The following TMCO5A variants were observed in gnomAD, a reference collection of about 807,000 sequenced individuals.
TMCO5A encodes transmembrane and coiled-coil domains 5A, also known as transmembrane and coiled-coil domain-containing protein 5A.
Under a neutral mutation model 42.3 loss-of-function variants are expected in TMCO5A, and 34 were observed. The observed-to-expected ratio is 0.80, with a 90% CI of 0.61 to 1.07. The LOEUF (loss-of-function observed/expected upper bound fraction) is 1.07, where lower values mean the gene tolerates loss of function less well. TMCO5A is among the 50% of genes least tolerant of loss of function. The pLI is 0.00. For missense variants in TMCO5A, 357 were observed against 327.9 expected, an observed-to-expected ratio of 1.09 and a Z score of -0.69; for synonymous variants, 131 against 115.6, an observed-to-expected ratio of 1.13 and a Z score of -0.86.
At chr15:38,034,077 T>G in the TMCO5A span, among the ~76,000 whole-genome samples, 1 of 152,196 alleles carries the variant, frequency 6.6e-6, no homozygotes, top group African/African-American at 2.4e-5. Flanking sequence ...TGCGTTCTGT[T>G]TCTGAGATGG....
the TMCO5A span, among the ~76,000 whole-genome samples, chr15:37,974,189 C>T: frequency 6.6e-6 from 1 of 152,070 alleles, no homozygotes; most frequent in Non-Finnish European, 1.5e-5. Flanking sequence ...AATTTTGCAT[C>T]TATGTTTATC....
chr15:37,938,160 T>C lies in TMCO5A; in HGVS notation c.318T>C (p.Leu106=), dbSNP rs745705202. Residue 106 remains leucine (L), a splice_region_variant and synonymous_variant, in exon 6 of 12, where the codon CTT becomes CTC. Transcript: ENST00000319669. ...ATATTTTTTATTTGAAACTATAGCT[T>C]ACAAGGAAATCACAAAAGATAACCA... ...VHSITELQQK[L]TRKSQKITNC... is the part of the protein sequence containing the mutation. The C allele has an allele frequency of 5.7e-6, 9 of 1,573,834 alleles. No individual in the cohort carries two copies. Among genetic ancestry groups the C allele is most frequent in the Non-Finnish European group, 7.8e-6 (9 of 1,158,062 alleles).
the TMCO5A span, among the ~76,000 whole-genome samples, chr15:37,997,078 T>A: frequency 6.6e-6 from 1 of 152,300 alleles, no homozygotes; most frequent in African/African-American, 2.4e-5. Context: ...CGTGAGGAGA[T>A]GGCATGTAGG....
At chr15:38,038,076 A>G in the TMCO5A span, among the ~76,000 whole-genome samples, 3 of 152,288 alleles carry the variant, frequency 2.0e-5, no homozygotes, top group African/African-American at 7.2e-5. Flanking sequence ...TCAACTATGT[A>G]AATATAAACA....
At chr15:37,998,084 T>C in the TMCO5A span, among the ~76,000 whole-genome samples, 1 of 151,952 alleles carries the variant, frequency 6.6e-6, no homozygotes, top group Non-Finnish European at 1.5e-5. Flanking sequence ...GAGCTCCTTA[T>C]ATATTCCACC....
chr15:38,013,326 G>C, the TMCO5A span, among the ~76,000 whole-genome samples: 20 of 133,040 alleles, frequency 1.5e-4, no homozygotes, highest in South Asian at 1.9e-3. Context: ...GAGGGAAAAG[G>C]ACAGCTAAAG....
chr15:37,997,266 C>T, the TMCO5A span, among the ~76,000 whole-genome samples: 1 of 152,206 alleles, frequency 6.6e-6, no homozygotes, highest in Non-Finnish European at 1.5e-5. Context: ...TCAGCTCACA[C>T]CGTGTCTTTT....
At chr15:38,025,201 G>GT in the TMCO5A span, among the ~76,000 whole-genome samples, 1,183 of 144,744 alleles carry the variant, frequency 8.2e-3, 4 homozygotes, top group Non-Finnish European at 0.012. Flanking sequence ...GTGTGTGTGT[G>GT]GAAGCAGAAA....
At chr15:37,942,401 GAC>G (rs1407171896) in intron 9 of TMCO5A, 146 bp downstream of exon 9, 4 of 695,262 alleles carry the variant, frequency 5.8e-6, no homozygotes, top group Non-Finnish European at 9.8e-6. Flanking sequence ...TGATCTGGTT[GAC>G]CCCAGTAGAT....
At chr15:37,937,892 G>C (rs1362256306) in intron 5 of TMCO5A, among the ~76,000 whole-genome samples, 1 of 152,048 alleles carries the variant, frequency 6.6e-6, no homozygotes, top group Non-Finnish European at 1.5e-5. Flanking sequence ...TTCTACTGTA[G>C]GGGGCTGTAT....
chr15:37,962,776 TA>T (rs1890461888), intron 11 of TMCO5A, among the ~76,000 whole-genome samples: 1 of 152,146 alleles, frequency 6.6e-6, no homozygotes, highest in Non-Finnish European at 1.5e-5. Flanking sequence ...AGGAGGGTTG[TA>T]TCTTTCCAGG....
At chr15:38,034,971 CCTT>C in the TMCO5A span, among the ~76,000 whole-genome samples, 1 of 152,192 alleles carries the variant, frequency 6.6e-6, no homozygotes, top group African/African-American at 2.4e-5. Context: ...CCTACACAGT[CCTT>C]CTTCCTTGGT....
chr15:37,973,736 T>C, the TMCO5A span, among the ~76,000 whole-genome samples: 4 of 152,236 alleles, frequency 2.6e-5, no homozygotes, highest in African/African-American at 9.6e-5. Flanking sequence ...ACTTCCTCTC[T>C]TCCTATTTCT....
the TMCO5A span, among the ~76,000 whole-genome samples, chr15:38,034,061 G>A: frequency 6.6e-6 from 1 of 152,186 alleles, no homozygotes; most frequent in South Asian, 2.1e-4. Context: ...AGTGTCTGGT[G>A]GAAGTTGCGT....
chr15:38,035,010 C>T, the TMCO5A span, among the ~76,000 whole-genome samples: 1 of 152,282 alleles, frequency 6.6e-6, no homozygotes, highest in South Asian at 2.1e-4. Flanking sequence ...CAAGCTGCAC[C>T]ACCTTGTACA....
chr15:38,021,133 T>C, the TMCO5A span, among the ~76,000 whole-genome samples: 4 of 152,206 alleles, frequency 2.6e-5, no homozygotes, highest in Admixed American at 2.6e-4. Context: ...CAGCACTTTT[T>C]AATGGGACAT....
At chr15:37,968,601 TA>T (rs1395507712), downstream of TMCO5A, among the ~76,000 whole-genome samples, 3 of 150,834 alleles carry the variant, frequency 2.0e-5, no homozygotes, top group African/African-American at 7.3e-5. Context: ...TTTTTTTTTT[TA>T]GATGGAATCT....
chr15:38,005,365 C>T, the TMCO5A span, among the ~76,000 whole-genome samples: 2 of 138,356 alleles, frequency 1.4e-5, no homozygotes, highest in Non-Finnish European at 3.0e-5. Context: ...TGAGAACAGC[C>T]TGAGTACCAC....
At chr15:38,012,891 T>C in the TMCO5A span, among the ~76,000 whole-genome samples, 1 of 152,154 alleles carries the variant, frequency 6.6e-6, no homozygotes. Context: ...GAAGGGATAA[T>C]AGAGAAATCT....
Sources: gnomAD v4.1 joint callset for allele counts (sites outside exome capture counted in the v4.1 genomes callset) on GRCh38, gnomAD v4.1.1 for gene constraint, MANE v1.5 for transcripts, NCBI Gene and HGNC (gene_info 2026-07-23, HGNC 2026-07-21) for gene names.